ARL15: variants seen among roughly 807,000 people sequenced by gnomAD.
ARL15 encodes ADP-ribosylation factor-like protein 15.
ARL15 carries 19 observed loss-of-function variants against 25.2 expected under a neutral mutation model. The ratio of observed to expected loss-of-function variants is 0.75; its 90% CI spans 0.53 to 1.10. The LOEUF (loss-of-function observed/expected upper bound fraction) is 1.10. Ranked by LOEUF, ARL15 falls within the 50% of genes least tolerant of loss-of-function variation. The pLI, the probability that ARL15 is intolerant of heterozygous loss-of-function variation, is 0.00. For synonymous variants in ARL15, 94 were observed against 86.8 expected (o/e 1.08, Z -0.46); for missense variants, 220 against 246.0 (o/e 0.89, Z 0.71).
chr5:54,067,948 T>A (rs74507232), intron 4 of ARL15, among the ~76,000 whole-genome samples: 4,270 of 152,308 alleles, frequency 0.028, 208 homozygotes, highest in African/African-American at 0.098. Flanking sequence ...ACCTTTATGA[T>A]ACTTATCACT....
At chr5:54,212,390 G>A (rs141342667) in intron 1 of ARL15, among the ~76,000 whole-genome samples, 38 of 152,230 alleles carry the variant, frequency 2.5e-4, no homozygotes, top group African/African-American at 9.1e-4. Flanking sequence ...GGCCACATCT[G>A]TCCCTTTTCA....
chr5:54,218,985 GTTT>G (rs61665897), intron 1 of ARL15, among the ~76,000 whole-genome samples: 321 of 147,032 alleles, frequency 2.2e-3, no homozygotes, highest in African/African-American at 6.9e-3. Context: ...TGCTACTGCT[GTTT>G]TTTTTTTTTT....
At chr5:54,102,252 T>C (rs1752461767) in intron 4 of ARL15, among the ~76,000 whole-genome samples, 1 of 152,128 alleles carries the variant, frequency 6.6e-6, no homozygotes, top group Admixed American at 6.5e-5. Flanking sequence ...CTTCATGTGA[T>C]CCACCCGCCT....
chr5:54,107,225 A>C (rs115423666), intron 4 of ARL15, among the ~76,000 whole-genome samples: 2 of 152,162 alleles, frequency 1.3e-5, no homozygotes, highest in African/African-American at 4.8e-5. Flanking sequence ...CCACGATTCA[A>C]TTGCCTCCTC....
chr5:54,307,218 A>C (rs1758779910), intron 1 of ARL15, among the ~76,000 whole-genome samples: 1 of 152,222 alleles, frequency 6.6e-6, no homozygotes, highest in East Asian at 1.9e-4. Flanking sequence ...CCTGGCTAAA[A>C]GGATTATATC....
intron 1 of ARL15, among the ~76,000 whole-genome samples, chr5:54,238,405 C>T (rs1210696663): frequency 6.6e-6 from 1 of 152,118 alleles, no homozygotes; most frequent in Non-Finnish European, 1.5e-5. Flanking sequence ...ACCCAGCAAC[C>T]GTTGGAACCC....
chr5:53,887,055 T>C (rs1744551008), intron 4 of ARL15, among the ~76,000 whole-genome samples: 1 of 152,170 alleles, frequency 6.6e-6, no homozygotes, highest in Admixed American at 6.5e-5. Flanking sequence ...TTCGATTTCA[T>C]CAAAATAATT....
intron 1 of ARL15, among the ~76,000 whole-genome samples, chr5:54,287,304 C>T (rs1758208650): frequency 6.6e-6 from 1 of 151,914 alleles, no homozygotes; most frequent in Non-Finnish European, 1.5e-5. Flanking sequence ...CATACCTGTG[C>T]CAGACAAGTG....
chr5:54,245,540 A>G (rs778457734), intron 1 of ARL15, among the ~76,000 whole-genome samples: 17 of 152,138 alleles, frequency 1.1e-4, no homozygotes, highest in Non-Finnish European at 2.1e-4. Flanking sequence ...GGCAAGTTCA[A>G]AAATGCTCCC....
At chr5:53,963,989 G>A (rs1374016778) in intron 4 of ARL15, among the ~76,000 whole-genome samples, 2 of 152,136 alleles carry the variant, frequency 1.3e-5, no homozygotes, top group African/African-American at 4.8e-5. Flanking sequence ...ATTTGACCTT[G>A]TAATTTCTCT....
At chr5:54,177,282 A>G (rs1754905222) in intron 1 of ARL15, among the ~76,000 whole-genome samples, 2 of 152,230 alleles carry the variant, frequency 1.3e-5, no homozygotes, top group African/African-American at 4.8e-5. Flanking sequence ...GAGGGCAAAG[A>G]CCAGAATCAC....
At chr5:54,105,736 C>G (rs769872919) in intron 4 of ARL15, among the ~76,000 whole-genome samples, 5 of 152,080 alleles carry the variant, frequency 3.3e-5, no homozygotes, top group Middle Eastern at 3.2e-3. Flanking sequence ...GGGCGCGCCA[C>G]CATGCCCAGC....
chr5:54,291,556 T>C (rs946393897), intron 1 of ARL15, among the ~76,000 whole-genome samples: 2 of 152,232 alleles, frequency 1.3e-5, no homozygotes, highest in Non-Finnish European at 2.9e-5. Flanking sequence ...GAAGGCTAAC[T>C]ATAATAATAC....
At chr5:54,261,294 C>T (rs565043600) in intron 1 of ARL15, among the ~76,000 whole-genome samples, 1 of 152,148 alleles carries the variant, frequency 6.6e-6, no homozygotes. Context: ...TTTAAGTGAT[C>T]TAGTACTTAC....
chr5:54,229,524 G>C (rs569672068), intron 1 of ARL15, among the ~76,000 whole-genome samples: 15 of 152,082 alleles, frequency 9.9e-5, no homozygotes, highest in Non-Finnish European at 2.1e-4. Flanking sequence ...GTTTAAAAAA[G>C]GAAAACATTA....
intron 1 of ARL15, among the ~76,000 whole-genome samples, chr5:54,211,885 C>T (rs1756053217): frequency 1.3e-5 from 2 of 152,130 alleles, no homozygotes; most frequent in African/African-American, 4.8e-5. Flanking sequence ...ATATGCTTAT[C>T]TGGAGCACAC....
chr5:54,180,404 T>A (rs1351109571), intron 1 of ARL15, among the ~76,000 whole-genome samples: 1 of 152,136 alleles, frequency 6.6e-6, no homozygotes. Context: ...AAGTTCAAAA[T>A]GGCATCTATA....
At chr5:54,160,243 A>G (rs1021107201) in intron 2 of ARL15, among the ~76,000 whole-genome samples, 56 of 152,236 alleles carry the variant, frequency 3.7e-4, no homozygotes, top group Non-Finnish European at 7.2e-4. Context: ...AATCCTTTAA[A>G]AGATATCAAA....
At chr5:54,293,629 T>C (rs1215288727) in intron 1 of ARL15, among the ~76,000 whole-genome samples, 2 of 152,188 alleles carry the variant, frequency 1.3e-5, no homozygotes, top group Non-Finnish European at 2.9e-5. Context: ...ACTCAGTGCA[T>C]GAACCCCTTT....
Sources: gnomAD v4.1 joint callset for allele counts (sites outside exome capture counted in the v4.1 genomes callset) on GRCh38, gnomAD v4.1.1 for gene constraint, MANE v1.5 for transcripts, NCBI Gene and HGNC (gene_info 2026-07-23, HGNC 2026-07-21) for gene names.